The following PLA2G4A variants were observed in gnomAD, a reference collection of about 807,000 sequenced individuals.
PLA2G4A encodes cytosolic phospholipase A2.
PLA2G4A carries 40 observed loss-of-function variants against 81.9 expected under a neutral mutation model. The observed-to-expected ratio is 0.49, with a 90% confidence interval of 0.38 to 0.64. PLA2G4A has a LOEUF of 0.64. Among genes scored for constraint, PLA2G4A ranks in the 30% least tolerant of loss-of-function variants. The pLI, the probability that PLA2G4A is intolerant of heterozygous loss-of-function variation, is 0.00. For missense variants in PLA2G4A, 715 were observed against 905.1 expected (o/e 0.79, Z 2.69); for synonymous variants, 302 against 296.9 (o/e 1.02, Z -0.18).
chr1:186,869,490 G>A (rs1486023249), intron 2 of PLA2G4A, among the ~76,000 whole-genome samples: 1 of 152,094 alleles, frequency 6.6e-6, no homozygotes, highest in Non-Finnish European at 1.5e-5. Context: ...GCTATTGAGT[G>A]CTGTCTAATT....
At chr1:186,919,842 T>C (rs557981471) in intron 7 of PLA2G4A, among the ~76,000 whole-genome samples, 3 of 152,286 alleles carry the variant, frequency 2.0e-5, no homozygotes, top group Non-Finnish European at 4.4e-5. Flanking sequence ...GCGCAAGTCC[T>C]GTACTGGCTG....
At chr1:186,908,459 A>G (rs1305446733) in intron 6 of PLA2G4A, among the ~76,000 whole-genome samples, 3 of 152,000 alleles carry the variant, frequency 2.0e-5, no homozygotes, top group African/African-American at 7.2e-5. Flanking sequence ...ATAGATTTCT[A>G]ATCACTTATT....
chr1:186,831,786 C>G (rs1039769302), intron 1 of PLA2G4A, among the ~76,000 whole-genome samples: 2 of 151,906 alleles, frequency 1.3e-5, no homozygotes, highest in Non-Finnish European at 2.9e-5. Context: ...CTATTGAGTA[C>G]CCAGTATGCA....
intron 12 of PLA2G4A, 105 bp downstream of exon 12, chr1:186,947,066 C>A (rs1394769723): frequency 4.3e-6 from 3 of 698,054 alleles, no homozygotes; most frequent in East Asian, 5.6e-5. Context: ...TTCAACTATT[C>A]TAAATTTATT....
At chr1:186,968,259 G>C (rs1331278304) in intron 15 of PLA2G4A, among the ~76,000 whole-genome samples, 1 of 152,060 alleles carries the variant, frequency 6.6e-6, no homozygotes, top group Non-Finnish European at 1.5e-5. Context: ...CTTGGCAGTA[G>C]TTTTTAAATG....
intron 7 of PLA2G4A, among the ~76,000 whole-genome samples, chr1:186,915,928 T>A (rs1655119880): frequency 1.3e-5 from 2 of 152,096 alleles, no homozygotes; most frequent in South Asian, 4.1e-4. Flanking sequence ...ATCAGGGTAA[T>A]TCTTTTGAGC....
Position 186,987,923 on chromosome 1 carries a change from G to GCAATTCT in PLA2G4A, c.2119-452_2119-446dup, listed in dbSNP as rs1393858266. On this transcript the variant is annotated intron_variant, in intron 17 of 17. Transcript: ENST00000367466. ...GTATTGTTTCAGTTGAGGAAGGAAG[G>GCAATTCT]CAATTCTCCAGCAATGCCTTCTTCC... is the stretch of plus-strand genomic sequence containing the variant. Among the ~76,000 whole-genome samples, 10 of 152,158 alleles carry GCAATTCT rather than the reference G, an allele frequency of 6.6e-5. No homozygotes were observed. The East Asian group carries it at 1.9e-3, about 29-fold the overall frequency.
intron 8 of PLA2G4A, among the ~76,000 whole-genome samples, chr1:186,934,659 T>G (rs191920409): frequency 5.3e-5 from 8 of 151,934 alleles, no homozygotes; most frequent in Admixed American, 3.9e-4. Flanking sequence ...GCTCACTCCT[T>G]GTAATAAATT....
At chr1:186,839,965 C>CTTTTTT (rs61704569) in intron 1 of PLA2G4A, among the ~76,000 whole-genome samples, 9 of 75,052 alleles carry the variant, frequency 1.2e-4, no homozygotes, top group South Asian at 5.2e-4. Context: ...TAATTGACTT[C>CTTTTTT]TTTTTTTTTT....
chr1:186,839,479 G>GT (rs1440041630), intron 1 of PLA2G4A, among the ~76,000 whole-genome samples: 1 of 152,198 alleles, frequency 6.6e-6, no homozygotes, highest in East Asian at 1.9e-4. Context: ...GTATAACATT[G>GT]TTTTTGTTAA....
At chr1:186,856,122 G>A (rs1652542361) in intron 2 of PLA2G4A, among the ~76,000 whole-genome samples, 1 of 151,644 alleles carries the variant, frequency 6.6e-6, no homozygotes, top group East Asian at 1.9e-4. Context: ...AAAATTGCTG[G>A]GATTTTGGTT....
intron 12 of PLA2G4A, among the ~76,000 whole-genome samples, chr1:186,949,400 G>A (rs372018239): frequency 2.7e-4 from 4 of 15,094 alleles, no homozygotes; most frequent in South Asian, 9.0e-3. Flanking sequence ...AAAAGAAAAA[G>A]AAAGAAGAAA....
intron 7 of PLA2G4A, among the ~76,000 whole-genome samples, chr1:186,919,785 G>A (rs553619746): frequency 6.6e-6 from 1 of 152,304 alleles, no homozygotes; most frequent in South Asian, 2.1e-4. Flanking sequence ...CAATGTGTAA[G>A]GGTTAGGAAC....
chr1:186,832,202 A>G (rs1216419540), intron 1 of PLA2G4A, among the ~76,000 whole-genome samples: 2 of 152,030 alleles, frequency 1.3e-5, no homozygotes, highest in African/African-American at 4.8e-5. Flanking sequence ...GTTTTCCACT[A>G]TTATAAATAA....
chr1:186,867,839 A>T (rs1653087649), intron 2 of PLA2G4A, among the ~76,000 whole-genome samples: 1 of 152,114 alleles, frequency 6.6e-6, no homozygotes. Flanking sequence ...GGTTTTTTGT[A>T]GATGTCCTTT....
chr1:186,886,087 G>A (rs1479113397), intron 3 of PLA2G4A, among the ~76,000 whole-genome samples: 1 of 151,994 alleles, frequency 6.6e-6, no homozygotes, highest in Non-Finnish European at 1.5e-5. Flanking sequence ...ACATCTTTGA[G>A]GTGTGGAAAT....
chr1:186,946,673 C>T lies in PLA2G4A; in HGVS notation c.1070C>T (p.Ala357Val). 1 of 1,610,616 alleles carries T rather than the reference C, an allele frequency of 6.2e-7. No individual in the cohort carries two copies. The highest frequency in any genetic ancestry group is 8.5e-7 in the Non-Finnish European group (1 of 1,177,074). Residue 357 changes from alanine to valine, a missense_variant, in exon 11 of 18, where the codon GCT (alanine) becomes GTT (valine). Transcript: ENST00000367466. Reference sequence around the variant, plus strand: ...TTTAGTCCATACGAAATTGGCATGGCTAAATATGGTACTTTTATGGCTCCC... The same window carrying T: ...TTTAGTCCATACGAAATTGGCATGGTTAAATATGGTACTTTTATGGCTCCC... ...VEFSPYEIGM[A>V]KYGTFMAPDL...
intron 8 of PLA2G4A, among the ~76,000 whole-genome samples, chr1:186,938,703 T>A (rs1656040383): frequency 6.6e-6 from 1 of 152,134 alleles, no homozygotes; most frequent in South Asian, 2.1e-4. Flanking sequence ...AATACTCTGA[T>A]AGAGATACTC....
At chr1:186,842,249 C>T (rs1466257614) in intron 1 of PLA2G4A, among the ~76,000 whole-genome samples, 8 of 151,906 alleles carry the variant, frequency 5.3e-5, no homozygotes, top group Non-Finnish European at 8.8e-5. Context: ...CACAGTGTTG[C>T]CCAGGCTGGT....
Sources: allele counts gnomAD v4.1 joint callset (sites outside exome capture counted in the v4.1 genomes callset), GRCh38; gene constraint gnomAD v4.1.1; transcripts MANE v1.5; gene names NCBI Gene and HGNC (gene_info 2026-07-23, HGNC 2026-07-21).